Variants in KIRREL3 observed in about 807,000 individuals in gnomAD.
KIRREL3 encodes kin of IRRE-like protein 3.
KIRREL3 carries 36 observed loss-of-function variants against 89.7 expected under a neutral mutation model. That is an observed-to-expected ratio of 0.40 (90% CI 0.31 to 0.53). The LOEUF is 0.53. Ranked by LOEUF, KIRREL3 falls within the 20% of genes least tolerant of loss-of-function variation. KIRREL3 has a pLI of 0.49. For synonymous variants in KIRREL3, 445 were observed against 441.4 expected (o/e 1.01, Z -0.10); for missense variants, 864 against 1,056.6 (o/e 0.82, Z 2.53).
rs936119544 is a variant in KIRREL3 at position 126,501,891 on chromosome 11, C to T, written c.433+19424G>A. Among the ~76,000 whole-genome samples, 1 of 152,158 alleles carries T rather than the reference C, an allele frequency of 6.6e-6. No individual in the cohort carries two copies. Among genetic ancestry groups the T allele is most frequent in the Admixed American group, 6.5e-5 (1 of 15,276 alleles). ...AACATCGATACCAGTGACTTACATG[C>T]ACCCAGGTGCCAAGGTAAGCACGGA... On this transcript the variant is annotated intron_variant, in intron 4 of 16. Transcript: ENST00000525144. The surrounding 1 kb of genome is among the most constrained non-coding windows in gnomAD (Gnocchi z 5.8).
rs1486385350 is a variant in KIRREL3 at position 126,486,320 on chromosome 11, A to G, written c.434-12854T>C. ...GGGAGTGCATCAAACTGGAGAGAGG[A>G]AGGGGTGAGTAGGGCTGGGGCAGGA... On this transcript the variant is annotated intron_variant, in intron 4 of 16. Transcript: ENST00000525144. The surrounding 1 kb of genome is among the most constrained non-coding windows in gnomAD (Gnocchi z 6.2). Among the ~76,000 whole-genome samples, 1 of 151,916 alleles carries G rather than the reference A, an allele frequency of 6.6e-6. No individual in the cohort carries two copies. The highest frequency in any genetic ancestry group is 1.5e-5 in the Non-Finnish European group (1 of 67,966).
chr11:126,615,629 G>A lies in KIRREL3; in HGVS notation c.56-52717C>T, dbSNP rs968022717. ...TGTGCCATGGCAATAAGTATGGATT[G>A]AGTTAGGACAGTCCCAGATGATGAT... On this transcript the variant is annotated intron_variant, in intron 1 of 16. Coordinates refer to ENST00000525144, the MANE Select transcript of KIRREL3 (RefSeq NM_032531.4). This position sits in a 1 kb window ranked among gnomAD's most constrained non-coding sequence, Gnocchi z 5.4. Among the ~76,000 whole-genome samples, 12 of 152,140 alleles carry A rather than the reference G, an allele frequency of 7.9e-5. No homozygotes were observed. Among genetic ancestry groups the A allele is most frequent in the African/African-American group, 2.9e-4 (12 of 41,428 alleles).
intron 4 of KIRREL3, among the ~76,000 whole-genome samples, chr11:126,504,116 C>T (rs745967411): frequency 5.9e-5 from 9 of 152,284 alleles, no homozygotes; most frequent in African/African-American, 7.2e-5. Context: ...CTGAATATTG[C>T]GTCCAAGCTT....
chr11:126,465,189 G>A (rs1043833825), intron 5 of KIRREL3, among the ~76,000 whole-genome samples: 4 of 152,114 alleles, frequency 2.6e-5, no homozygotes, highest in African/African-American at 9.7e-5. Flanking sequence ...TGTTTCCCCC[G>A]ACTGGAGCCA....
intron 1 of KIRREL3, among the ~76,000 whole-genome samples, chr11:126,937,871 C>T (rs1477303489): frequency 6.6e-6 from 1 of 152,168 alleles, no homozygotes; most frequent in African/African-American, 2.4e-5. Context: ...TGCACTCCAG[C>T]CTGGGCGACA....
At position 126,969,912 on chromosome 11, in the gene KIRREL3, G is replaced by A. The variant is rs917369482; in HGVS notation, c.55+30543C>T. ...AACACATTCATAAAATAATTTTGTA[G>A]GGCTGGTAGTTAGTTCCAGCAAAAC... On this transcript the variant is annotated intron_variant, in intron 1 of 16. Coordinates refer to ENST00000525144, the MANE Select transcript of KIRREL3 (RefSeq NM_032531.4). This position sits in a 1 kb window ranked among gnomAD's most constrained non-coding sequence, Gnocchi z 4.9. Among the ~76,000 whole-genome samples, 2 of 152,158 alleles carry A rather than the reference G, an allele frequency of 1.3e-5. No homozygotes were observed. Among genetic ancestry groups the A allele is most frequent in the Non-Finnish European group, 2.9e-5 (2 of 68,016 alleles).
chr11:126,825,281 C>T (rs1368184488), intron 1 of KIRREL3, among the ~76,000 whole-genome samples: 1 of 152,088 alleles, frequency 6.6e-6, no homozygotes, highest in Non-Finnish European at 1.5e-5. Flanking sequence ...ACTTTGACAG[C>T]CTGGTGACGC....
rs564653770 is a variant in KIRREL3 at position 126,655,673 on chromosome 11, G to C, written c.56-92761C>G. 6.6e-6 allele frequency among the ~76,000 whole-genome samples: 1 copy of C among 152,236 alleles called. No homozygotes were observed. Among genetic ancestry groups the C allele is most frequent in the Non-Finnish European group, 1.5e-5 (1 of 68,034 alleles). ...TGTGTGCCCGTCCACCCTGGGAGAGGCTTATGAAGGCTGTGTCTCAAGCAT... is the reference window on the plus strand; with the variant it reads ...TGTGTGCCCGTCCACCCTGGGAGAGCCTTATGAAGGCTGTGTCTCAAGCAT... On this transcript the variant is annotated intron_variant, in intron 1 of 16. Coordinates refer to ENST00000525144, the MANE Select transcript of KIRREL3 (RefSeq NM_032531.4). The surrounding 1 kb of genome is among the most constrained non-coding windows in gnomAD (Gnocchi z 5.0).
Position 126,666,446 on chromosome 11 carries a change from A to G in KIRREL3, c.56-103534T>C, listed in dbSNP as rs1281312446. Reference sequence around the variant, plus strand: ...AGGGCCAACTACCATTAGAGCTCTTAGAGGATTGCTGAGCCTTCTAAGGGT... The same window carrying G: ...AGGGCCAACTACCATTAGAGCTCTTGGAGGATTGCTGAGCCTTCTAAGGGT... On this transcript the variant is annotated intron_variant, in intron 1 of 16. Transcript: ENST00000525144. This position sits in a 1 kb window ranked among gnomAD's most constrained non-coding sequence, Gnocchi z 4.2. Among the ~76,000 whole-genome samples the G allele has an allele frequency of 6.6e-6, 1 of 152,242 alleles. No homozygotes were observed. Among genetic ancestry groups the G allele is most frequent in the Non-Finnish European group, 1.5e-5 (1 of 68,046 alleles).
intron 1 of KIRREL3, among the ~76,000 whole-genome samples, chr11:126,599,960 C>A (rs1322371199): frequency 1.3e-5 from 2 of 152,224 alleles, no homozygotes; most frequent in African/African-American, 4.8e-5. Flanking sequence ...TGAGTATGGG[C>A]TAGACCTGGT....
intron 1 of KIRREL3, among the ~76,000 whole-genome samples, chr11:126,589,545 CT>C (rs2134700350): frequency 1.3e-5 from 2 of 152,326 alleles, no homozygotes; most frequent in South Asian, 4.1e-4. Flanking sequence ...TGTAGGTACT[CT>C]TGTGTTCAAA....
intron 1 of KIRREL3, among the ~76,000 whole-genome samples, chr11:126,950,839 A>C (rs966051281): frequency 6.6e-6 from 1 of 152,266 alleles, no homozygotes; most frequent in Non-Finnish European, 1.5e-5. Flanking sequence ...GAAGAAGATT[A>C]GACTGAAAGG....
rs1243303825 is a variant in KIRREL3, at chr11:126,549,028, G to A, written c.133+13807C>T. Among the ~76,000 whole-genome samples the A allele has an allele frequency of 2.0e-5, 3 of 152,274 alleles. No homozygotes were observed. The East Asian group carries it at 5.8e-4, about 29-fold the overall frequency. ...AGAACAGGTTAGTGTTGTGTTTTGA[G>A]ATCCTTTTATGAATAATGGTTGAGA... On this transcript the variant is annotated intron_variant, in intron 2 of 16. Coordinates refer to ENST00000525144, the MANE Select transcript of KIRREL3 (RefSeq NM_032531.4).
At chr11:126,938,245 T>G (rs1948290931) in intron 1 of KIRREL3, among the ~76,000 whole-genome samples, 1 of 152,200 alleles carries the variant, frequency 6.6e-6, no homozygotes, top group African/African-American at 2.4e-5. Context: ...GCCAGCAACT[T>G]GCACTCAGTT....
chr11:126,878,851 A>C (rs1400826162), intron 1 of KIRREL3, among the ~76,000 whole-genome samples: 3 of 152,150 alleles, frequency 2.0e-5, no homozygotes, highest in African/African-American at 7.2e-5. Flanking sequence ...CCGAGAAACC[A>C]AGTGTCCCCT....
intron 2 of KIRREL3, among the ~76,000 whole-genome samples, chr11:126,538,658 G>A (rs621479): frequency 2.0e-5 from 3 of 151,818 alleles, no homozygotes; most frequent in Non-Finnish European, 1.5e-5. Flanking sequence ...ACTGACTGAC[G>A]GATAAAAATG....
In KIRREL3 at chr11:126,628,729, C is replaced by T. The variant is rs1943894052; in HGVS notation, c.56-65817G>A. ...AATACTAAGCACTCTTATCTCACCC[C>T]TTCCCATCTTTCCTATTCATCAGAT... On this transcript the variant is annotated intron_variant, in intron 1 of 16. Transcript: ENST00000525144. This position sits in a 1 kb window ranked among gnomAD's most constrained non-coding sequence, Gnocchi z 5.2. Among the ~76,000 whole-genome samples the T allele has an allele frequency of 1.3e-5, 2 of 152,196 alleles. No homozygotes were observed. The highest frequency in any genetic ancestry group is 4.8e-5 in the African/African-American group (2 of 41,444).
At position 126,817,970 on chromosome 11, in the gene KIRREL3, C is replaced by T. The variant is rs1951630668; in HGVS notation, c.55+182485G>A. On this transcript the variant is annotated intron_variant, in intron 1 of 16. Transcript: ENST00000525144. The surrounding 1 kb of genome is among the most constrained non-coding windows in gnomAD (Gnocchi z 5.7). ...AGAGGCTTCAGCAGGAGGAGAGGCTCAAATGAGCCCAAGCTGATTAAGGAA... is the reference window on the plus strand; with the variant it reads ...AGAGGCTTCAGCAGGAGGAGAGGCTTAAATGAGCCCAAGCTGATTAAGGAA... 6.6e-6 allele frequency among the ~76,000 whole-genome samples: 1 copy of T among 152,184 alleles called. No individual in the cohort carries two copies. Among genetic ancestry groups the T allele is most frequent in the Non-Finnish European group, 1.5e-5 (1 of 68,040 alleles).
rs1292801880 is a variant in KIRREL3, at chr11:126,868,069, G to A, written c.55+132386C>T. 2.7e-5 allele frequency among the ~76,000 whole-genome samples: 3 copies of A among 109,132 alleles called. No homozygotes were observed. In the East Asian group the frequency reaches 1.0e-3, roughly 37 times the overall value. The allele number at this position is 109,132 out of a possible 152,430, so 71.6% of individuals were successfully genotyped here. ...TCTCAAGGAAGACTGGGGGTGGGGG[G>A]TGGGTGTGAAGCGGGGGTGGGAGAG... is the stretch of plus-strand genomic sequence containing the variant. On this transcript the variant is annotated intron_variant, in intron 1 of 16. Coordinates refer to ENST00000525144, the MANE Select transcript of KIRREL3 (RefSeq NM_032531.4).
Sources: gnomAD v4.1 joint callset for allele counts (sites outside exome capture counted in the v4.1 genomes callset) on GRCh38, gnomAD v4.1.1 for gene constraint, Gnocchi (gnomAD v3.1) non-coding constraint, MANE v1.5 for transcripts, NCBI Gene and HGNC (gene_info 2026-07-23, HGNC 2026-07-21) for gene names.